KIRREL3: variants seen among roughly 807,000 people sequenced by gnomAD.
KIRREL3 encodes kirre like nephrin family adhesion molecule 3.
A neutral mutation model predicts 89.7 loss-of-function variants in KIRREL3; 36 were observed. The observed-to-expected ratio is 0.40, with a 90% CI of 0.31 to 0.53. The LOEUF (loss-of-function observed/expected upper bound fraction) is 0.53, where lower values mean the gene tolerates loss of function less well. Among genes scored for constraint, KIRREL3 ranks in the 20% least tolerant of loss-of-function variants. The pLI, the probability that KIRREL3 is intolerant of heterozygous loss-of-function variation, is 0.49. For missense variants in KIRREL3, 864 were observed against 1,056.6 expected (o/e 0.82, Z 2.53); for synonymous variants, 445 against 441.4 (o/e 1.01, Z -0.10).
Position 126,805,972 on chromosome 11 carries a change from C to T in KIRREL3, c.55+194483G>A, listed in dbSNP as rs1015772271. Among the ~76,000 whole-genome samples, 3 of 152,176 alleles carry T rather than the reference C, an allele frequency of 2.0e-5. No individual in the cohort carries two copies. The highest frequency in any genetic ancestry group is 2.0e-4 in the Admixed American group (3 of 15,280). On this transcript the variant is annotated intron_variant, in intron 1 of 16. Coordinates refer to ENST00000525144, the MANE Select transcript of KIRREL3 (RefSeq NM_032531.4). The surrounding 1 kb of genome is among the most constrained non-coding windows in gnomAD (Gnocchi z 4.3). ...GAATGTGCCTGTGCCCCCAAATCCT[C>T]CCTTCAATGACATCAACAAATTTAA...
chr11:126,525,295 T>G lies in KIRREL3; in HGVS notation c.283+1243A>C, dbSNP rs1958715788. Reference sequence around the variant, plus strand: ...TCGGAGCCATTCAGTGCATGAACTATTCTAGTTTGGGAAGGTTGTATCATT... The same window carrying G: ...TCGGAGCCATTCAGTGCATGAACTAGTCTAGTTTGGGAAGGTTGTATCATT... On this transcript the variant is annotated intron_variant, in intron 3 of 16. Transcript: ENST00000525144. This position sits in a 1 kb window ranked among gnomAD's most constrained non-coding sequence, Gnocchi z 5.4. Among the ~76,000 whole-genome samples, 1 of 152,234 alleles carries G rather than the reference T, an allele frequency of 6.6e-6. No homozygotes were observed. Among genetic ancestry groups the G allele is most frequent in the Non-Finnish European group, 1.5e-5 (1 of 68,038 alleles).
rs1944443531 is a variant in KIRREL3, at chr11:126,640,934, C to T, written c.56-78022G>A. Among the ~76,000 whole-genome samples the T allele has an allele frequency of 1.3e-5, 2 of 152,088 alleles. No homozygotes were observed. Among genetic ancestry groups the T allele is most frequent in the Admixed American group, 6.5e-5 (1 of 15,278 alleles). On this transcript the variant is annotated intron_variant, in intron 1 of 16. Coordinates refer to ENST00000525144, the MANE Select transcript of KIRREL3 (RefSeq NM_032531.4). This position sits in a 1 kb window ranked among gnomAD's most constrained non-coding sequence, Gnocchi z 4.9. ...CTCTGATGTCTCTCAATTTTGTATC[C>T]ACAGCCTAGACCACCCCCTAAACTC...
rs1950211005 is a variant in KIRREL3, at chr11:126,997,559, C to A, written c.55+2896G>T. The stretch of plus-strand genomic sequence containing the variant: ...GCCCAAACTTTCAAAGAATAGGGAC[C>A]CACCATATTACTGATATTAATTATA... On this transcript the variant is annotated intron_variant, in intron 1 of 16. Transcript: ENST00000525144. This position sits in a 1 kb window ranked among gnomAD's most constrained non-coding sequence, Gnocchi z 4.3. Among the ~76,000 whole-genome samples, 2 of 152,088 alleles carry A rather than the reference C, an allele frequency of 1.3e-5. No homozygotes were observed. The highest frequency in any genetic ancestry group is 4.2e-4 in the South Asian group (2 of 4,818).
Position 126,772,656 on chromosome 11 carries a change from T to C in KIRREL3, c.56-209744A>G, listed in dbSNP as rs1950052946. On this transcript the variant is annotated intron_variant, in intron 1 of 16. Transcript: ENST00000525144. The surrounding 1 kb of genome is among the most constrained non-coding windows in gnomAD (Gnocchi z 4.6). ...TCATGTTTGTCAAAAAGCATCCCTC[T>C]CCTGGTACTCATGCCCACCCCCTAA... 6.6e-6 allele frequency among the ~76,000 whole-genome samples: 1 copy of C among 152,162 alleles called. No individual in the cohort carries two copies. Among genetic ancestry groups the C allele is most frequent in the Non-Finnish European group, 1.5e-5 (1 of 68,018 alleles).
chr11:126,554,990 C>T (rs185808005), intron 2 of KIRREL3, among the ~76,000 whole-genome samples: 2 of 152,288 alleles, frequency 1.3e-5, no homozygotes, highest in South Asian at 2.1e-4. Context: ...TTGCCTTCTT[C>T]CTGCACCATC....
intron 1 of KIRREL3, among the ~76,000 whole-genome samples, chr11:126,915,581 C>A (rs75596471): frequency 6.6e-6 from 1 of 151,998 alleles, no homozygotes; most frequent in Non-Finnish European, 1.5e-5. Flanking sequence ...TTTGTCCAAG[C>A]GAGACAGTAT....
chr11:126,688,484 C>T, intron 1 of KIRREL3, among the ~76,000 whole-genome samples: 1 of 151,802 alleles, frequency 6.6e-6, no homozygotes, highest in Non-Finnish European at 1.5e-5. Context: ...TCTTTTTTTT[C>T]TAGGAGCTAA....
In KIRREL3 at chr11:126,526,913, T is replaced by C. The variant is rs1256474890; in HGVS notation, c.134-226A>G. Among the ~76,000 whole-genome samples the C allele has an allele frequency of 6.6e-6, 1 of 152,124 alleles. No homozygotes were observed. ...CAGCTCCAGCCCCTCTGCCCATCAG[T>C]CCCTAACACATGGACTGGTCTAGCC... On this transcript the variant is annotated intron_variant, in intron 2 of 16. Transcript: ENST00000525144. The surrounding 1 kb of genome is among the most constrained non-coding windows in gnomAD (Gnocchi z 5.7).
In KIRREL3 at chr11:126,638,250, G is replaced by T. The variant is rs148027232; in HGVS notation, c.56-75338C>A. On this transcript the variant is annotated intron_variant, in intron 1 of 16. Coordinates refer to ENST00000525144, the MANE Select transcript of KIRREL3 (RefSeq NM_032531.4). ...TCTTGACAGAATTTTCCTAAAACAT[G>T]CCAGAGAGATAGGAATAGAAACACC... 8.1e-3 allele frequency among the ~76,000 whole-genome samples: 1,237 copies of T among 152,300 alleles called. 19 individuals are homozygous for T. Among genetic ancestry groups the T allele is most frequent in the South Asian group, 0.038 (181 of 4,826 alleles).
At chr11:126,737,863 G>A (rs774621825) in intron 1 of KIRREL3, among the ~76,000 whole-genome samples, 21 of 152,122 alleles carry the variant, frequency 1.4e-4, no homozygotes, top group Non-Finnish European at 1.8e-4. Context: ...ATTTCTTTGT[G>A]TTAGAAACAT....
At chr11:126,649,963 G>A (rs1944845118) in intron 1 of KIRREL3, among the ~76,000 whole-genome samples, 1 of 152,222 alleles carries the variant, frequency 6.6e-6, no homozygotes, top group Admixed American at 6.5e-5. Flanking sequence ...TGAAATCTAG[G>A]TGGAGGTTCC....
At chr11:126,511,183 G>A (rs1847080373) in intron 4 of KIRREL3, among the ~76,000 whole-genome samples, 1 of 152,158 alleles carries the variant, frequency 6.6e-6, no homozygotes, top group South Asian at 2.1e-4. Flanking sequence ...CACAGGCCAG[G>A]CGCAGTGGCT....
rs1027625240 is a variant in KIRREL3 at position 126,917,799 on chromosome 11, A to C, written c.55+82656T>G. Among the ~76,000 whole-genome samples, 3 of 152,194 alleles carry C rather than the reference A, an allele frequency of 2.0e-5. No homozygotes were observed. The highest frequency in any genetic ancestry group is 2.9e-5 in the Non-Finnish European group (2 of 68,032). ...GCCACTCCACTCATTGTCTAACCTTAGGCATGGACTTTAGAATTGAGGTGG... is the reference window on the plus strand; with the variant it reads ...GCCACTCCACTCATTGTCTAACCTTCGGCATGGACTTTAGAATTGAGGTGG... On this transcript the variant is annotated intron_variant, in intron 1 of 16. Transcript: ENST00000525144. The surrounding 1 kb of genome is among the most constrained non-coding windows in gnomAD (Gnocchi z 5.0).
At chr11:126,536,117 A>G (rs528034793) in intron 2 of KIRREL3, among the ~76,000 whole-genome samples, 40 of 152,364 alleles carry the variant, frequency 2.6e-4, no homozygotes, top group Non-Finnish European at 4.9e-4. Flanking sequence ...ATCTCAAAAA[A>G]AAAGATCTTG....
intron 1 of KIRREL3, among the ~76,000 whole-genome samples, chr11:126,880,807 A>G (rs1342100987): frequency 6.6e-6 from 1 of 152,214 alleles, no homozygotes; most frequent in Non-Finnish European, 1.5e-5. Flanking sequence ...GGGAAGGGAT[A>G]TTGTGTATTT....
rs1355154549 is a variant in KIRREL3 at position 126,755,662 on chromosome 11, G to T, written c.56-192750C>A. ...CTGTACACCCCCGCCCCCAATTCTT[G>T]TTGCCAGAGAGCCCTCCCCTGGCAG... On this transcript the variant is annotated intron_variant, in intron 1 of 16. Coordinates refer to ENST00000525144, the MANE Select transcript of KIRREL3 (RefSeq NM_032531.4). The surrounding 1 kb of genome is among the most constrained non-coding windows in gnomAD (Gnocchi z 4.3). Among the ~76,000 whole-genome samples, 2 of 152,024 alleles carry T rather than the reference G, an allele frequency of 1.3e-5. No individual in the cohort carries two copies. The highest frequency in any genetic ancestry group is 2.9e-5 in the Non-Finnish European group (2 of 68,028).
rs552600554 is a variant in KIRREL3 at position 126,993,832 on chromosome 11, T to G, written c.55+6623A>C. On this transcript the variant is annotated intron_variant, in intron 1 of 16. Coordinates refer to ENST00000525144, the MANE Select transcript of KIRREL3 (RefSeq NM_032531.4). The surrounding 1 kb of genome is among the most constrained non-coding windows in gnomAD (Gnocchi z 6.1). ...AAATGTGGAATAGTGACAGCGATGT[T>G]TGTTTGTTATTGCTGCAACTCTTGG... Among the ~76,000 whole-genome samples the G allele has an allele frequency of 8.5e-5, 13 of 152,276 alleles. No individual in the cohort carries two copies. In the East Asian group the frequency reaches 2.5e-3, roughly 30 times the overall value.
chr11:126,990,567 C>T lies in KIRREL3; in HGVS notation c.55+9888G>A, dbSNP rs1387266403. ...GCTGCTGCTGCCACCATCAGGCTGA[C>T]TGAGGCACTGCAGCCTTCACCTGGC... is the stretch of plus-strand genomic sequence containing the variant. On this transcript the variant is annotated intron_variant, in intron 1 of 16. Transcript: ENST00000525144. The surrounding 1 kb of genome is among the most constrained non-coding windows in gnomAD (Gnocchi z 6.3). Among the ~76,000 whole-genome samples, 2 of 152,352 alleles carry T rather than the reference C, an allele frequency of 1.3e-5. No individual in the cohort carries two copies. Among genetic ancestry groups the T allele is most frequent in the South Asian group, 2.1e-4 (1 of 4,830 alleles).
At chr11:126,678,020 T>C (rs1373250040) in intron 1 of KIRREL3, among the ~76,000 whole-genome samples, 3 of 152,158 alleles carry the variant, frequency 2.0e-5, no homozygotes, top group Non-Finnish European at 4.4e-5. Context: ...TTACACCCAC[T>C]GCAGGGAACT....
Sources: allele counts gnomAD v4.1 joint callset (sites outside exome capture counted in the v4.1 genomes callset), GRCh38; gene constraint gnomAD v4.1.1; non-coding constraint Gnocchi (gnomAD v3.1); transcripts MANE v1.5; gene names NCBI Gene and HGNC (gene_info 2026-07-23, HGNC 2026-07-21).